Variants in EPB41L1 observed in about 807,000 individuals in gnomAD.
EPB41L1 encodes the protein erythrocyte membrane protein band 4.1 like 1.
A neutral mutation model predicts 97.8 loss-of-function variants in EPB41L1; 29 were observed. That is an observed-to-expected ratio of 0.30 (90% CI 0.22 to 0.40). The LOEUF is 0.40. Among genes scored for constraint, EPB41L1 ranks in the 10% least tolerant of loss-of-function variants. The pLI, the probability that EPB41L1 is intolerant of heterozygous loss-of-function variation, is 1.00. For synonymous variants in EPB41L1, 383 were observed against 459.2 expected (o/e 0.83, Z 2.12); for missense variants, 812 against 1,162.3 (o/e 0.70, Z 4.38).
chr20:36,215,260 G>A (rs374853018), intron 17 of EPB41L1, among the ~76,000 whole-genome samples: 10 of 152,010 alleles, frequency 6.6e-5, no homozygotes, highest in African/African-American at 2.4e-4. Flanking sequence ...CAATCAATAA[G>A]TGGTAGTGCC....
intron 2 of EPB41L1, chr20:36,125,644 G>A (rs957183240): frequency 6.9e-6 from 10 of 1,453,760 alleles, no homozygotes; most frequent in Non-Finnish European, 7.3e-6. Context: ...TGTTGGGGAC[G>A]GCAAGGAGGC....
At chr20:36,094,565 G>C (rs1196021306) in intron 1 of EPB41L1, among the ~76,000 whole-genome samples, 2 of 152,194 alleles carry the variant, frequency 1.3e-5, no homozygotes, top group Non-Finnish European at 1.5e-5. Context: ...TTTGCTGCTT[G>C]GCTTGCCAAG....
intron 1 of EPB41L1, among the ~76,000 whole-genome samples, chr20:36,161,731 T>C (rs770440390): frequency 5.9e-5 from 9 of 152,052 alleles, no homozygotes; most frequent in Non-Finnish European, 1.5e-5. Context: ...TGCCTCAGCC[T>C]CCCAAAGTGC....
chr20:36,122,144 G>A (rs1424395093), intron 2 of EPB41L1, among the ~76,000 whole-genome samples: 1 of 152,136 alleles, frequency 6.6e-6, no homozygotes, highest in African/African-American at 2.4e-5. Flanking sequence ...ATTTTATCCC[G>A]ATGCTATGGT....
intron 2 of EPB41L1, among the ~76,000 whole-genome samples, chr20:36,138,835 CCT>C (rs1212662545): frequency 2.0e-5 from 3 of 152,156 alleles, no homozygotes; most frequent in Non-Finnish European, 2.9e-5. Flanking sequence ...CTCCCAGTGG[CCT>C]CTCTCTCCAC....
chr20:36,158,764 T>G (rs532831591), intron 1 of EPB41L1, among the ~76,000 whole-genome samples: 1 of 152,208 alleles, frequency 6.6e-6, no homozygotes, highest in Non-Finnish European at 1.5e-5. Context: ...GGGACCATGT[T>G]GTGGTTGTTA....
At chr20:36,159,295 T>C (rs2060436067) in intron 1 of EPB41L1, among the ~76,000 whole-genome samples, 1 of 152,230 alleles carries the variant, frequency 6.6e-6, no homozygotes, top group Non-Finnish European at 1.5e-5. Flanking sequence ...TCCTCTATAA[T>C]AGCAGTAAAT....
At chr20:36,127,777 TCCTCGTG>T (rs200658943) in intron 2 of EPB41L1, among the ~76,000 whole-genome samples, 1,614 of 152,256 alleles carry the variant, frequency 0.011, 28 homozygotes, top group African/African-American at 0.037. Context: ...TCCATGGCCC[TCCTCGTG>T]CCTCTTGTGT....
In EPB41L1 at chr20:36,100,692, C is replaced by T. The variant is rs756536959; in HGVS notation, c.-65+9080C>T. On this transcript the variant is annotated intron_variant, in intron 1 of 19. Transcript: ENST00000202028. ...CAATCTAGATCTGTCCGAAGCCCAC[C>T]GGTACTCTTGAGTCTTTCCTATATG... 5.3e-5 allele frequency among the ~76,000 whole-genome samples: 8 copies of T among 152,316 alleles called. No individual in the cohort carries two copies. The South Asian group carries it at 8.3e-4, about 16-fold the overall frequency.
At chr20:36,183,675 C>T (rs112819357) in intron 6 of EPB41L1, among the ~76,000 whole-genome samples, 84 of 152,146 alleles carry the variant, frequency 5.5e-4, no homozygotes, top group African/African-American at 1.9e-3. Context: ...TAGTTAGGCC[C>T]GAAATAAACT....
intron 18 of EPB41L1, 62 bp from the exon 19 acceptor site, chr20:36,219,699 A>C (rs2147047929): frequency 4.1e-6 from 6 of 1,445,898 alleles, no homozygotes; most frequent in African/African-American, 1.4e-5. Flanking sequence ...CCCCGCCCTC[A>C]CCCCTCCAGA....
At chr20:36,107,568 GC>G (rs2058236960) in intron 1 of EPB41L1, among the ~76,000 whole-genome samples, 1 of 146,914 alleles carries the variant, frequency 6.8e-6, no homozygotes, top group African/African-American at 2.5e-5. Flanking sequence ...GGTGCCTCAT[GC>G]CTGTAATCCC....
rs2064501139 is a variant in EPB41L1 at position 36,231,810 on chromosome 20, G to C, written c.*2470G>C. The C allele has an allele frequency of 6.5e-6, 1 of 152,718 alleles. No individual in the cohort carries two copies. The highest frequency in any genetic ancestry group is 6.5e-5 in the Admixed American group (1 of 15,282). The allele number at this position is 152,718 out of a possible 1,614,324, so 9.5% of individuals were successfully genotyped here. ...TTCTTTCTACAATCCTGGTGGAAAA[G>C]CCACAGAACCTTCTTCCTGCCCTTC... On this transcript the variant is annotated 3_prime_UTR_variant, in exon 22 of 22. Coordinates refer to ENST00000338074, the MANE Select transcript of EPB41L1 (RefSeq NM_012156.2).
chr20:36,153,179 TGAG>T, upstream of EPB41L1: 1 of 442,926 alleles, frequency 2.3e-6, no homozygotes, highest in Non-Finnish European at 4.6e-6. Context: ...TAAAGGGTGC[TGAG>T]GAGAGGGCAT....
Position 36,190,827 on chromosome 20 carries a change from G to T in EPB41L1, c.1300+30G>T. The stretch of plus-strand genomic sequence containing the variant: ...GGCCCAAATTGGAGGGCTGGGCGGG[G>T]AATGGTCTTCAGAGGGAACTGGGGG... On this transcript the variant is annotated intron_variant, in intron 11 of 21. Transcript: ENST00000338074. The surrounding 1 kb of genome is among the most constrained non-coding windows in gnomAD (Gnocchi z 5.8). 2 of 1,610,532 alleles carry T rather than the reference G, an allele frequency of 1.2e-6. No homozygotes were observed. Among genetic ancestry groups the T allele is most frequent in the Middle Eastern group, 1.7e-4 (1 of 6,060 alleles).
At chr20:36,167,350 G>A (rs544319725) in intron 1 of EPB41L1, among the ~76,000 whole-genome samples, 1 of 152,316 alleles carries the variant, frequency 6.6e-6, no homozygotes, top group African/African-American at 2.4e-5. Flanking sequence ...GCCATATACA[G>A]AGGTCTGTAG....
intron 1 of EPB41L1, among the ~76,000 whole-genome samples, chr20:36,098,509 T>G (rs2057906919): frequency 6.6e-6 from 1 of 152,168 alleles, no homozygotes; most frequent in Non-Finnish European, 1.5e-5. Context: ...TCTTTGGCAT[T>G]TCTTGGCTTG....
At chr20:36,198,845 C>T (rs765812704) in intron 14 of EPB41L1, among the ~76,000 whole-genome samples, 7 of 152,146 alleles carry the variant, frequency 4.6e-5, no homozygotes, top group African/African-American at 1.4e-4. Flanking sequence ...ATTCTGGCTC[C>T]GCTGCCTGCC....
At chr20:36,152,961 T>A, upstream of EPB41L1, 1 of 456,226 alleles carries the variant, frequency 2.2e-6, no homozygotes, top group Non-Finnish European at 4.4e-6. Flanking sequence ...CCACCTTCTG[T>A]CTGGAGGGTG....
Sources: allele counts gnomAD v4.1 joint callset (sites outside exome capture counted in the v4.1 genomes callset), GRCh38; gene constraint gnomAD v4.1.1; non-coding constraint Gnocchi (gnomAD v3.1); transcripts MANE v1.5; gene names NCBI Gene and HGNC (gene_info 2026-07-23, HGNC 2026-07-21).